Variants in QTMAN observed in about 807,000 individuals in gnomAD.
QTMAN encodes the protein queuosine-tRNA mannosyltransferase.
the QTMAN span, among the ~76,000 whole-genome samples, chr2:144,331,309 A>C: frequency 6.6e-6 from 1 of 152,178 alleles, no homozygotes. Context: ...AAACACGTTA[A>C]TAGAAGCCAA....
At chr2:144,110,059 A>G in the QTMAN span, among the ~76,000 whole-genome samples, 2 of 152,232 alleles carry the variant, frequency 1.3e-5, no homozygotes, top group Non-Finnish European at 2.9e-5. Context: ...CCAGAGGATT[A>G]TAAATCACGC....
chr2:144,123,137 A>G, the QTMAN span, among the ~76,000 whole-genome samples: 1 of 152,220 alleles, frequency 6.6e-6, no homozygotes, highest in Non-Finnish European at 1.5e-5. Flanking sequence ...TAAAAGCCAT[A>G]TAAGTAGAAT....
chr2:144,308,134 G>GA, the QTMAN span, among the ~76,000 whole-genome samples: 1 of 145,296 alleles, frequency 6.9e-6, no homozygotes, highest in East Asian at 2.0e-4. Context: ...CAGCACCCAG[G>GA]AAAAAACCCA....
chr2:144,237,682 G>A, the QTMAN span, among the ~76,000 whole-genome samples: 1 of 152,120 alleles, frequency 6.6e-6, no homozygotes, highest in African/African-American at 2.4e-5. Flanking sequence ...GAGGGTACAG[G>A]TAGCCAGCCT....
the QTMAN span, among the ~76,000 whole-genome samples, chr2:144,081,573 G>C: frequency 4.6e-5 from 7 of 152,040 alleles, no homozygotes; most frequent in Non-Finnish European, 7.4e-5. Context: ...GAAATACTCA[G>C]CCTCTACCTC....
At chr2:144,177,114 T>A in the QTMAN span, 2 of 700,262 alleles carry the variant, frequency 2.9e-6, no homozygotes, top group Non-Finnish European at 5.2e-6. Flanking sequence ...CATGATCCAA[T>A]CACCTCCCAC....
At chr2:143,955,211 C>T in the QTMAN span, among the ~76,000 whole-genome samples, 1 of 151,988 alleles carries the variant, frequency 6.6e-6, no homozygotes, top group Non-Finnish European at 1.5e-5. Context: ...AAAAAAATCC[C>T]TCATTATTAA....
At chr2:143,972,638 A>T in the QTMAN span, among the ~76,000 whole-genome samples, 1 of 152,164 alleles carries the variant, frequency 6.6e-6, no homozygotes, top group African/African-American at 2.4e-5. Flanking sequence ...CGTATTCTTT[A>T]GCTATTTCCT....
the QTMAN span, among the ~76,000 whole-genome samples, chr2:143,958,845 T>C: frequency 6.6e-6 from 1 of 151,108 alleles, no homozygotes. Context: ...CTTGAATCTA[T>C]TCAACACTTA....
At chr2:144,222,281 G>C in the QTMAN span, among the ~76,000 whole-genome samples, 9,879 of 151,148 alleles carry the variant, frequency 0.065, 443 homozygotes, top group Admixed American at 0.15. Context: ...GGATGGTCTC[G>C]ATCTCCTGAC....
At chr2:144,151,541 T>G in the QTMAN span, among the ~76,000 whole-genome samples, 2 of 151,900 alleles carry the variant, frequency 1.3e-5, no homozygotes, top group African/African-American at 2.4e-5. Flanking sequence ...ATTGTGAGAG[T>G]GTTACCAAGT....
At chr2:144,302,229 T>TTATA in the QTMAN span, among the ~76,000 whole-genome samples, 3 of 150,318 alleles carry the variant, frequency 2.0e-5, no homozygotes, top group African/African-American at 7.3e-5. Context: ...TTTTCCTCAA[T>TTATA]TATATATATA....
chr2:143,955,709 G>A, the QTMAN span, among the ~76,000 whole-genome samples: 1 of 152,190 alleles, frequency 6.6e-6, no homozygotes. Context: ...TGTCAAGAAG[G>A]TAGGGCCTGG....
At chr2:144,290,198 A>C in the QTMAN span, among the ~76,000 whole-genome samples, 1 of 151,716 alleles carries the variant, frequency 6.6e-6, no homozygotes, top group Non-Finnish European at 1.5e-5. Context: ...GGCTAAGGGG[A>C]TGGAACAGAG....
chr2:144,227,701 A>G, the QTMAN span, among the ~76,000 whole-genome samples: 1 of 152,198 alleles, frequency 6.6e-6, no homozygotes. Context: ...GCAAGTTACT[A>G]TATAAACCAA....
At chr2:144,155,800 T>G in the QTMAN span, among the ~76,000 whole-genome samples, 1 of 152,138 alleles carries the variant, frequency 6.6e-6, no homozygotes, top group Non-Finnish European at 1.5e-5. Flanking sequence ...GACAGTATCA[T>G]GATTTAGGCT....
the QTMAN span, among the ~76,000 whole-genome samples, chr2:144,081,739 A>T: frequency 6.6e-6 from 1 of 152,102 alleles, no homozygotes; most frequent in Admixed American, 6.5e-5. Flanking sequence ...CTTGTCACAC[A>T]TCTCCATACC....
At chr2:144,177,898 C>T in the QTMAN span, among the ~76,000 whole-genome samples, 3 of 152,040 alleles carry the variant, frequency 2.0e-5, no homozygotes, top group Non-Finnish European at 4.4e-5. Context: ...TAATGTTTTA[C>T]ATTCTTTATT....
chr2:144,266,186 G>A, the QTMAN span, among the ~76,000 whole-genome samples: 1 of 152,084 alleles, frequency 6.6e-6, no homozygotes, highest in Non-Finnish European at 1.5e-5. Flanking sequence ...AGAAAATGAT[G>A]GAAAGGAAAC....
Sources: gnomAD v4.1 joint callset for allele counts (sites outside exome capture counted in the v4.1 genomes callset) on GRCh38, gnomAD v4.1.1 for gene constraint, MANE v1.5 for transcripts, NCBI Gene and HGNC (gene_info 2026-07-23, HGNC 2026-07-21) for gene names.